The following ZNF469 variants were observed in gnomAD, a reference collection of about 807,000 sequenced individuals.
The protein encoded by ZNF469 is zinc finger protein 469.
Under a neutral mutation model 1.0 loss-of-function variants are expected in ZNF469, and 1 was observed. That is an observed-to-expected ratio of 1.00 (90% CI 0.35 to 4.73). The LOEUF is 4.73. Among genes scored for constraint, ZNF469 ranks in the 30% most tolerant of loss-of-function variants. ZNF469 has a pLI of 0.16. For missense variants in ZNF469, 6,100 were observed against 5,356.3 expected (o/e 1.14, Z -4.33); for synonymous variants, 2,703 against 2,363.4 (o/e 1.14, Z -4.17).
chr16:88,246,090 C>T, the ZNF469 span, among the ~76,000 whole-genome samples: 2 of 152,276 alleles, frequency 1.3e-5, no homozygotes, highest in African/African-American at 4.8e-5. Flanking sequence ...AGCTCTGGCC[C>T]CAAGCCCCTG....
chr16:88,112,540 C>T, the ZNF469 span, among the ~76,000 whole-genome samples: 39,718 of 152,050 alleles, frequency 0.26, 5,576 homozygotes, highest in Non-Finnish European at 0.32. Flanking sequence ...ATCAATGATG[C>T]TGAGCTCCTC....
At chr16:88,152,310 G>C in the ZNF469 span, among the ~76,000 whole-genome samples, 9 of 152,240 alleles carry the variant, frequency 5.9e-5, no homozygotes, top group African/African-American at 2.2e-4. This position sits in a 1 kb window ranked among gnomAD's most constrained non-coding sequence, Gnocchi z 4.2. Flanking sequence ...GTCACGGGCA[G>C]CCATGAGCAG....
At chr16:88,222,189 T>G in the ZNF469 span, among the ~76,000 whole-genome samples, 1 of 152,224 alleles carries the variant, frequency 6.6e-6, no homozygotes, top group African/African-American at 2.4e-5. Flanking sequence ...GTGGTAATGT[T>G]TTCTGTTTTC....
At chr16:88,128,922 C>G in the ZNF469 span, among the ~76,000 whole-genome samples, 5,742 of 152,332 alleles carry the variant, frequency 0.038, 364 homozygotes, top group African/African-American at 0.13. Flanking sequence ...AAGCTCCTGG[C>G]TCACAGGAAT....
chr16:88,405,611 C>G lies in ZNF469; in HGVS notation c.-191-19196C>G, dbSNP rs370715105. 1.7e-3 allele frequency among the ~76,000 whole-genome samples: 252 copies of G among 152,282 alleles called. 3 individuals are homozygous for G. Among genetic ancestry groups the G allele is most frequent in the African/African-American group, 5.9e-3 (244 of 41,566 alleles). On this transcript the variant is annotated intron_variant, in intron 1 of 2. Transcript: ENST00000565624. ...CACAGGTCCCCAGGGAAGTGAACACCAATGAGATTTCACCAAACACCCATG... is the reference window on the plus strand; with the variant it reads ...CACAGGTCCCCAGGGAAGTGAACACGAATGAGATTTCACCAAACACCCATG...
At chr16:88,205,786 T>C in the ZNF469 span, among the ~76,000 whole-genome samples, 1 of 151,990 alleles carries the variant, frequency 6.6e-6, no homozygotes, top group Non-Finnish European at 1.5e-5. This position sits in a 1 kb window ranked among gnomAD's most constrained non-coding sequence, Gnocchi z 4.2. Context: ...TGAGCAGTCA[T>C]GGGGGGTGAG....
At chr16:88,179,848 G>C in the ZNF469 span, among the ~76,000 whole-genome samples, 1 of 152,334 alleles carries the variant, frequency 6.6e-6, no homozygotes, top group African/African-American at 2.4e-5. Flanking sequence ...GCAAATCTGT[G>C]GTAACAACAG....
chr16:88,422,785 T>C (rs1225142232), intron 1 of ZNF469, among the ~76,000 whole-genome samples: 3 of 145,544 alleles, frequency 2.1e-5, no homozygotes, highest in African/African-American at 7.9e-5. Flanking sequence ...GATGGTTGGA[T>C]GGATGGATGG....
the ZNF469 span, among the ~76,000 whole-genome samples, chr16:88,140,948 C>CA: frequency 6.6e-6 from 1 of 151,840 alleles, no homozygotes; most frequent in African/African-American, 2.4e-5. Context: ...AACAAACAAA[C>CA]AAAAAAACAA....
chr16:88,423,351 A>G (rs573440417), intron 1 of ZNF469, among the ~76,000 whole-genome samples: 5 of 150,046 alleles, frequency 3.3e-5, no homozygotes, highest in African/African-American at 1.2e-4. Flanking sequence ...CAAAGGCTTT[A>G]CTGCTAAGTC....
chr16:88,338,436 G>A, the ZNF469 span, among the ~76,000 whole-genome samples: 1 of 152,228 alleles, frequency 6.6e-6, no homozygotes, highest in Admixed American at 6.5e-5. Flanking sequence ...TTGATGAGGA[G>A]AGGTGGCCTC....
At chr16:88,180,987 G>C in the ZNF469 span, among the ~76,000 whole-genome samples, 1 of 152,024 alleles carries the variant, frequency 6.6e-6, no homozygotes, top group Non-Finnish European at 1.5e-5. Context: ...AACCAGTAAG[G>C]ATGTAGAACC....
intron 1 of ZNF469, among the ~76,000 whole-genome samples, chr16:88,402,594 G>A (rs998045576): frequency 6.6e-6 from 1 of 152,170 alleles, no homozygotes; most frequent in Admixed American, 6.5e-5. Context: ...GATGCTGGTT[G>A]CAGCTCAGAC....
chr16:88,335,724 G>A, the ZNF469 span, among the ~76,000 whole-genome samples: 8 of 152,232 alleles, frequency 5.3e-5, no homozygotes, highest in Admixed American at 4.6e-4. Flanking sequence ...TCACATGGAG[G>A]CATTGACGCA....
the ZNF469 span, among the ~76,000 whole-genome samples, chr16:88,142,440 G>A: frequency 6.6e-6 from 1 of 152,206 alleles, no homozygotes; most frequent in African/African-American, 2.4e-5. Flanking sequence ...ATAGATGGGA[G>A]GGACCTTGAA....
the ZNF469 span, among the ~76,000 whole-genome samples, chr16:88,321,355 T>C: frequency 6.6e-6 from 1 of 152,262 alleles, no homozygotes. Context: ...CCTGATTGGA[T>C]GCAGTCTTCA....
the ZNF469 span, among the ~76,000 whole-genome samples, chr16:88,161,591 A>C: frequency 6.6e-6 from 1 of 152,310 alleles, no homozygotes; most frequent in South Asian, 2.1e-4. Context: ...GTGGCTCACG[A>C]GGGTATCGAA....
chr16:88,331,217 C>CACT, the ZNF469 span, among the ~76,000 whole-genome samples: 9,312 of 58,938 alleles, frequency 0.16, 353 homozygotes, highest in South Asian at 0.24. Context: ...TCACAACCGT[C>CACT]ACCACCACCA....
At chr16:88,241,981 G>A in the ZNF469 span, among the ~76,000 whole-genome samples, 1 of 152,232 alleles carries the variant, frequency 6.6e-6, no homozygotes, top group Non-Finnish European at 1.5e-5. The surrounding 1 kb of genome is among the most constrained non-coding windows in gnomAD (Gnocchi z 4.8). Flanking sequence ...GACAGGATGG[G>A]AGGAAGGGGG....
Sources: allele counts gnomAD v4.1 joint callset (sites outside exome capture counted in the v4.1 genomes callset), GRCh38; gene constraint gnomAD v4.1.1; non-coding constraint Gnocchi (gnomAD v3.1); transcripts MANE v1.5; gene names NCBI Gene and HGNC (gene_info 2026-07-23, HGNC 2026-07-21).